Variants in FEN1 observed in about 807,000 individuals in gnomAD.
FEN1 encodes flap endonuclease 1.
Under a neutral mutation model 24.7 loss-of-function variants are expected in FEN1, and 19 were observed. The observed-to-expected ratio is 0.77, with a 90% CI of 0.54 to 1.13. FEN1 has a LOEUF of 1.13. FEN1 is among the 50% of genes most tolerant of loss of function. The pLI, the probability that FEN1 is intolerant of heterozygous loss-of-function variation, is 0.00. For synonymous variants in FEN1, 155 were observed against 189.2 expected (o/e 0.82, Z 1.48); for missense variants, 339 against 488.7 (o/e 0.69, Z 2.89).
chr11:61,796,119 A>C lies in FEN1; in HGVS notation c.758A>C (p.His253Pro), dbSNP rs1393063419. ...CGGGCTGTGGACCTCATCCAGAAGCACAAGAGCATCGAGGAGATCGTGCGG... is the reference window on the plus strand; with the variant it reads ...CGGGCTGTGGACCTCATCCAGAAGCCCAAGAGCATCGAGGAGATCGTGCGG... Reference protein sequence around the residue: ...PKRAVDLIQKHKSIEEIVRRL... With the variant: ...PKRAVDLIQKPKSIEEIVRRL... Residue 253 changes from histidine (H) to proline (P), a missense_variant, in exon 2 of 2, where the codon CAC becomes CCC. By Grantham distance (77) the His-to-Pro change is moderately conservative. This residue lies in a region of FEN1 where 70 missense variants were observed against 64.9 expected (regional missense o/e 1.08). Transcript: ENST00000305885. 6.2e-7 allele frequency: 1 copy of C among 1,614,100 alleles called. No individual in the cohort carries two copies. The highest frequency in any genetic ancestry group is 8.5e-7 in the Non-Finnish European group (1 of 1,180,052).
chr11:61,796,558 C>T lies in FEN1; in HGVS notation c.*54C>T. The T allele has an allele frequency of 1.3e-6, 2 of 1,488,334 alleles. No individual in the cohort carries two copies. Among genetic ancestry groups the T allele is most frequent in the Non-Finnish European group, 1.8e-6 (2 of 1,116,560 alleles). 92.2% of individuals were successfully genotyped at this position (1,488,334 alleles called of 1,614,324 possible). A position where few individuals can be genotyped will look rare whatever the true frequency, so the allele number is the denominator to read the frequency against. ...CCCAGAATATTTGCCGTCTTGTACC[C>T]TTAAGAGCTACAGCTAGAGAAACCT... On this transcript the variant is annotated 3_prime_UTR_variant, in exon 2 of 2. Transcript: ENST00000305885.
intron 1 of FEN1, among the ~76,000 whole-genome samples, chr11:61,793,538 T>C (rs1264581103): frequency 2.0e-5 from 3 of 152,218 alleles, no homozygotes; most frequent in Non-Finnish European, 2.9e-5. Context: ...CTCAGTGGCT[T>C]GGTAATGTCA....
At chr11:61,793,447 C>T (rs965640119) in intron 1 of FEN1, among the ~76,000 whole-genome samples, 1 of 152,160 alleles carries the variant, frequency 6.6e-6, no homozygotes. Flanking sequence ...AGGTTTCTGT[C>T]TGTTGTCTCA....
rs752012566 is a variant in FEN1 at position 61,796,330 on chromosome 11, TG to T, written c.973del (p.Val325SerfsTer4). On this transcript the variant is annotated frameshift_variant, in exon 2 of 2. Coordinates refer to ENST00000305885, the MANE Select transcript of FEN1 (RefSeq NM_004111.6). LOFTEE classifies it high-confidence loss of function. ...KQFSEERIRS[G>X]VKRLSKSRQG... ...AGTTCTCTGAGGAGCGAATCCGCAG[TG>T]GGGTCAAGAGGCTGAGTAAGAGCCG... is the stretch of plus-strand genomic sequence containing the variant. 1 of 1,613,308 alleles carries T rather than the reference TG, an allele frequency of 6.2e-7. No homozygotes were observed. The highest frequency in any genetic ancestry group is 1.7e-5 in the Admixed American group (1 of 60,016).
chr11:61,795,773 A>G lies in FEN1; in HGVS notation c.412A>G (p.Asn138Asp). The change falls in exon 2 of 2, where the codon AAT becomes GAT. Residue 138 changes from asparagine (N) to aspartate (D), a missense_variant. Coordinates refer to ENST00000305885, the MANE Select transcript of FEN1 (RefSeq NM_004111.6). The surrounding 1 kb of genome is among the most constrained non-coding windows in gnomAD (Gnocchi z 4.1). ...KRLVKVTKQH[N>D]DECKHLLSLM... ...GCTGGTGAAGGTCACTAAGCAGCAC[A>G]ATGATGAGTGCAAACATCTGCTGAG... 1.2e-6 allele frequency: 2 copies of G among 1,614,020 alleles called. No individual in the cohort carries two copies. The highest frequency in any genetic ancestry group is 1.7e-6 in the Non-Finnish European group (2 of 1,180,036).
At position 61,796,633 on chromosome 11, in the gene FEN1, A is replaced by T; in HGVS notation, c.*129A>T. 1 of 1,001,122 alleles carries T rather than the reference A, an allele frequency of 1.0e-6. No individual in the cohort carries two copies. The highest frequency in any genetic ancestry group is 1.4e-6 in the Non-Finnish European group (1 of 691,580). 62.0% of individuals were successfully genotyped at this position (1,001,122 alleles called of 1,614,324 possible). ...AGGCTTTTCTAGCGTGACCCTTTTC[A>T]GTAGTGCTAGTCCCTTTTTTACTTG... On this transcript the variant is annotated 3_prime_UTR_variant, in exon 2 of 2. Coordinates refer to ENST00000305885, the MANE Select transcript of FEN1 (RefSeq NM_004111.6).
In FEN1 at chr11:61,795,225, C is replaced by T; in HGVS notation, c.-21-116C>T. Reference sequence around the variant, plus strand: ...GTTCATCTTTTTATCTTTAGCAGTGCTGACATGGTGTCCTTTTTGTTGTGT... The same window carrying T: ...GTTCATCTTTTTATCTTTAGCAGTGTTGACATGGTGTCCTTTTTGTTGTGT... On this transcript the variant is annotated intron_variant, in intron 1 of 1. Coordinates refer to ENST00000305885, the MANE Select transcript of FEN1 (RefSeq NM_004111.6). This position sits in a 1 kb window ranked among gnomAD's most constrained non-coding sequence, Gnocchi z 4.1. 5 of 842,000 alleles carry T rather than the reference C, an allele frequency of 5.9e-6. No homozygotes were observed. In the South Asian group the frequency reaches 9.5e-5, roughly 16 times the overall value. 52.2% of individuals were successfully genotyped at this position (842,000 alleles called of 1,614,324 possible). A position where few individuals can be genotyped will look rare whatever the true frequency, so the allele number is the denominator to read the frequency against.
chr11:61,793,474 G>T lies in FEN1; in HGVS notation c.-22+446G>T, dbSNP rs570322718. On this transcript the variant is annotated intron_variant, in intron 1 of 1. Transcript: ENST00000305885. The stretch of plus-strand genomic sequence containing the variant: ...GTTGTCTCAGTTAACCCTGGCAGCA[G>T]CCCTGAGAGACAGGCATGGTAATCG... 2.6e-3 allele frequency among the ~76,000 whole-genome samples: 391 copies of T among 152,298 alleles called. 3 individuals are homozygous for T. The highest frequency in any genetic ancestry group is 8.8e-3 in the African/African-American group (365 of 41,558).
rs2066811934 is a variant in FEN1, at chr11:61,795,115, A to C, written c.-21-226A>C. Among the ~76,000 whole-genome samples the C allele has an allele frequency of 2.6e-5, 4 of 152,150 alleles. No homozygotes were observed. The South Asian group carries it at 8.3e-4, about 32-fold the overall frequency. ...TCAACAGTATCTTATTTCTCTAAGC[A>C]CGTGGTTCAATTTCTGGTACTCGTT... On this transcript the variant is annotated intron_variant, in intron 1 of 1. Transcript: ENST00000305885. The surrounding 1 kb of genome is among the most constrained non-coding windows in gnomAD (Gnocchi z 4.1).
rs542489871 is a variant in FEN1 at position 61,792,949 on chromosome 11, G to A, written c.-101G>A. On this transcript the variant is annotated 5_prime_UTR_variant, in exon 1 of 2. Transcript: ENST00000305885. ...GCCACCCGCCGCTAAGCTGAGAAGG[G>A]AGAGCGAGCTTAGGACCGCCTGCCC... The A allele has an allele frequency of 2.1e-4, 53 of 255,722 alleles. No individual in the cohort carries two copies. Among genetic ancestry groups the A allele is most frequent in the South Asian group, 2.0e-3 (53 of 26,772 alleles). The allele number at this position is 255,722 out of a possible 1,614,324, so 15.8% of individuals were successfully genotyped here.
chr11:61,795,383 A>C lies in FEN1; in HGVS notation c.22A>C (p.Lys8Gln), dbSNP rs1371412552. 4.4e-6 allele frequency: 7 copies of C among 1,606,396 alleles called. No individual in the cohort carries two copies. The Admixed American group carries it at 8.4e-5, about 19-fold the overall frequency. Residue 8 changes from lysine (K) to glutamine (Q), a missense_variant, in exon 2 of 2, where the codon AAA (lysine) becomes CAA (glutamine). By Grantham distance (53) the Lys-to-Gln change is moderately conservative. This residue lies in a region of FEN1 where 216 missense variants were observed against 329.7 expected (regional missense o/e 0.66). Transcript: ENST00000305885. This position sits in a 1 kb window ranked among gnomAD's most constrained non-coding sequence, Gnocchi z 4.1. ...TGCCATGGGAATTCAAGGCCTGGCC[A>C]AACTAATTGCTGATGTGGCCCCCAG... MGIQGLAKLIADVAPSAI... is the reference protein window; with the variant it reads MGIQGLAQLIADVAPSAI...
intron 1 of FEN1, among the ~76,000 whole-genome samples, chr11:61,793,425 A>C (rs1294695678): frequency 6.6e-6 from 1 of 152,122 alleles, no homozygotes; most frequent in African/African-American, 2.4e-5. Flanking sequence ...AGGCCTGGAG[A>C]GGGGACATTA....
chr11:61,792,954 C>G lies in FEN1; in HGVS notation c.-96C>G, dbSNP rs2066797525. 4.0e-6 allele frequency: 1 copy of G among 247,442 alleles called. No individual in the cohort carries two copies. Among genetic ancestry groups the G allele is most frequent in the African/African-American group, 2.3e-5 (1 of 43,684 alleles). 15.3% of individuals were successfully genotyped at this position (247,442 alleles called of 1,614,324 possible). On this transcript the variant is annotated 5_prime_UTR_variant, in exon 1 of 2. Transcript: ENST00000305885. ...CCGCCGCTAAGCTGAGAAGGGAGAG[C>G]GAGCTTAGGACCGCCTGCCCGGGGC...
At position 61,792,935 on chromosome 11, in the gene FEN1, C is replaced by G. The variant is rs2066797326; in HGVS notation, c.-115C>G. 7.1e-6 allele frequency: 2 copies of G among 280,564 alleles called. No individual in the cohort carries two copies. Among genetic ancestry groups the G allele is most frequent in the South Asian group, 6.5e-5 (2 of 30,730 alleles). The allele number at this position is 280,564 out of a possible 1,614,324, so 17.4% of individuals were successfully genotyped here. On this transcript the variant is annotated 5_prime_UTR_variant, in exon 1 of 2. Transcript: ENST00000305885. Reference sequence around the variant, plus strand: ...CGGCTGAACGTCAGGCCACCCGCCGCTAAGCTGAGAAGGGAGAGCGAGCTT... The same window carrying G: ...CGGCTGAACGTCAGGCCACCCGCCGGTAAGCTGAGAAGGGAGAGCGAGCTT...
At chr11:61,794,665 G>T (rs755174154) in intron 1 of FEN1, among the ~76,000 whole-genome samples, 1 of 152,190 alleles carries the variant, frequency 6.6e-6, no homozygotes, top group Non-Finnish European at 1.5e-5. Context: ...ACTACAGCAT[G>T]CCAGACCCCT....
In FEN1 at chr11:61,795,724, G is replaced by A; in HGVS notation, c.363G>A (p.Gln121=). The A allele has an allele frequency of 1.2e-6, 2 of 1,613,944 alleles. No individual in the cohort carries two copies. Among genetic ancestry groups the A allele is most frequent in the South Asian group, 2.2e-5 (2 of 91,088 alleles). The change falls in exon 2 of 2, where the codon CAG becomes CAA. Residue 121 remains glutamine (Q), a synonymous_variant. Coordinates refer to ENST00000305885, the MANE Select transcript of FEN1 (RefSeq NM_004111.6). This position sits in a 1 kb window ranked among gnomAD's most constrained non-coding sequence, Gnocchi z 4.1. ...LQQAQAAGAE[Q]EVEKFTKRLV... Reference sequence around the variant, plus strand: ...AGGCTCAGGCTGCTGGGGCCGAGCAGGAGGTGGAAAAATTCACTAAGCGGC... The same window carrying A: ...AGGCTCAGGCTGCTGGGGCCGAGCAAGAGGTGGAAAAATTCACTAAGCGGC...
chr11:61,796,018 C>G lies in FEN1; in HGVS notation c.657C>G (p.Asn219Lys), dbSNP rs1565315766. ...GGATTCTGCAGGAGCTGGGCCTGAA[C>G]CAGGAACAGTTTGTGGATCTGTGCA... ...LSRILQELGLNQEQFVDLCIL... is the reference protein window; with the variant it reads ...LSRILQELGLKQEQFVDLCIL... The change falls in exon 2 of 2, where the codon AAC becomes AAG. Residue 219 changes from asparagine to lysine, a missense_variant. By Grantham distance (94) the Asn-to-Lys change is moderately conservative. Around this residue, in one of 3 missense-constraint regions of FEN1, gnomAD observed 216 missense variants for 329.7 expected, o/e 0.66. Coordinates refer to ENST00000305885, the MANE Select transcript of FEN1 (RefSeq NM_004111.6). 1 of 1,614,212 alleles carries G rather than the reference C, an allele frequency of 6.2e-7. No individual in the cohort carries two copies. Among genetic ancestry groups the G allele is most frequent in the East Asian group, 2.2e-5 (1 of 44,882 alleles).
chr11:61,796,319 C>A lies in FEN1; in HGVS notation c.958C>A (p.Arg320=), dbSNP rs751470906. The change falls in exon 2 of 2, where the codon CGA becomes AGA. Residue 320 remains arginine, a synonymous_variant. Transcript: ENST00000305885. The part of the protein sequence containing the change: ...MCGEKQFSEE[R]IRSGVKRLSK... Reference sequence around the variant, plus strand: ...TGGTGAAAAGCAGTTCTCTGAGGAGCGAATCCGCAGTGGGGTCAAGAGGCT... The same window carrying A: ...TGGTGAAAAGCAGTTCTCTGAGGAGAGAATCCGCAGTGGGGTCAAGAGGCT... 1 of 1,613,100 alleles carries A rather than the reference C, an allele frequency of 6.2e-7. No individual in the cohort carries two copies. The highest frequency in any genetic ancestry group is 2.2e-5 in the East Asian group (1 of 44,880).
Position 61,796,788 on chromosome 11 carries a change from A to C in FEN1, c.*284A>C, listed in dbSNP as rs2066822814. On this transcript the variant is annotated 3_prime_UTR_variant, in exon 2 of 2. Transcript: ENST00000305885. ...TTGTTACATGAAAGTGATAGATAGC[A>C]ACAAGTTTTGGAGAAGAGAGAGGGA... 1 of 400,156 alleles carries C rather than the reference A, an allele frequency of 2.5e-6. No homozygotes were observed. Among genetic ancestry groups the C allele is most frequent in the African/African-American group, 2.1e-5 (1 of 48,274 alleles). The allele number at this position is 400,156 out of a possible 1,614,324, so 24.8% of individuals were successfully genotyped here. A position where few individuals can be genotyped will look rare whatever the true frequency, so the allele number is the denominator to read the frequency against.
Sources: gnomAD v4.1 joint callset for allele counts (sites outside exome capture counted in the v4.1 genomes callset) on GRCh38, gnomAD v4.1.1 for gene constraint, gnomAD v4.1.1 regional missense constraint, Gnocchi (gnomAD v3.1) non-coding constraint, MANE v1.5 for transcripts, NCBI Gene and HGNC (gene_info 2026-07-23, HGNC 2026-07-21) for gene names.